The following TPBG variants were observed in gnomAD, a reference collection of about 807,000 sequenced individuals.
The protein encoded by TPBG is trophoblast glycoprotein.
Under a neutral mutation model 19.3 loss-of-function variants are expected in TPBG, and 13 were observed. The observed-to-expected ratio is 0.67, with a 90% CI of 0.44 to 1.07. The LOEUF (loss-of-function observed/expected upper bound fraction) is 1.07, where lower values mean the gene tolerates loss of function less well. Ranked by LOEUF, TPBG falls within the 50% of genes least tolerant of loss-of-function variation. The pLI, the probability that TPBG is intolerant of heterozygous loss-of-function variation, is 0.00. For synonymous variants in TPBG, 338 were observed against 259.8 expected, an observed-to-expected ratio of 1.30 and a Z score of -2.89; for missense variants, 642 against 559.6, an observed-to-expected ratio of 1.15 and a Z score of -1.49.
chr6:82,365,150 C>G lies in TPBG; in HGVS notation c.189C>G (p.Pro63=), dbSNP rs755349428. Residue 63 remains proline, a synonymous_variant, in exon 2 of 2, where the codon CCC becomes CCG. Coordinates refer to ENST00000369750, the MANE Select transcript of TPBG (RefSeq NM_001376922.1). ...AGCCCCCGCTGCCGGACCAGTGCCC[C>G]GCGCTGTGCGAGTGCTCCGAGGCAG... The part of the protein sequence containing the change: ...SAQPPLPDQC[P]ALCECSEAAR... 2.9e-4 allele frequency: 464 copies of G among 1,604,850 alleles called. No homozygotes were observed. Among genetic ancestry groups the G allele is most frequent in the Non-Finnish European group, 3.8e-4 (451 of 1,176,668 alleles).
rs775983895 is a variant in TPBG at position 82,366,184 on chromosome 6, A to AC, written c.1227dup (p.Arg410GlnfsTer8). ...CATTACAGATATGAAATCAATGCGG[A>AC]CCCCAGATTAACGAACCTCAGTTCT... is the stretch of plus-strand genomic sequence containing the variant. On this transcript the variant is annotated frameshift_variant, in exon 2 of 2. Coordinates refer to ENST00000369750, the MANE Select transcript of TPBG (RefSeq NM_001376922.1). LOFTEE classifies it high-confidence loss of function. 6 of 1,605,580 alleles carry AC rather than the reference A, an allele frequency of 3.7e-6. No homozygotes were observed. The South Asian group carries it at 6.7e-5, about 18-fold the overall frequency.
At position 82,365,028 on chromosome 6, in the gene TPBG, C is replaced by T; in HGVS notation, c.67C>T (p.Leu23=). The part of the protein sequence containing the change: ...DGRLRLARLA[L]VLLGWVSSSS... The stretch of plus-strand genomic sequence containing the variant: ...GCGTCTGCGGCTGGCGCGACTAGCG[C>T]TGGTACTCCTGGGCTGGGTCTCCTC... The change falls in exon 2 of 2, where the codon CTG becomes TTG. Residue 23 remains leucine, a synonymous_variant. Coordinates refer to ENST00000369750, the MANE Select transcript of TPBG (RefSeq NM_001376922.1). 6.5e-7 allele frequency: 1 copy of T among 1,542,954 alleles called. No individual in the cohort carries two copies. The highest frequency in any genetic ancestry group is 8.7e-7 in the Non-Finnish European group (1 of 1,144,246).
Position 82,365,973 on chromosome 6 carries a change from A to C in TPBG, c.1012A>C (p.Asn338His). The C allele has an allele frequency of 6.2e-7, 1 of 1,614,086 alleles. No individual in the cohort carries two copies. The highest frequency in any genetic ancestry group is 8.5e-7 in the Non-Finnish European group (1 of 1,179,964). The change falls in exon 2 of 2, where the codon AAC (asparagine) becomes CAC (histidine). Residue 338 changes from asparagine (N) to histidine (H), a missense_variant. Transcript: ENST00000369750. ...KMRNRVLLELNSADLDCDPIL... is the reference protein window; with the variant it reads ...KMRNRVLLELHSADLDCDPIL... ...GAGGAATCGGGTCCTCTTGGAACTCAACAGTGCTGACCTGGACTGTGACCC... is the reference window on the plus strand; with the variant it reads ...GAGGAATCGGGTCCTCTTGGAACTCCACAGTGCTGACCTGGACTGTGACCC...
In TPBG at chr6:82,365,657, A is replaced by G. The variant is rs1260929110; in HGVS notation, c.696A>G (p.Gln232=). The G allele has an allele frequency of 5.6e-6, 9 of 1,604,310 alleles. No homozygotes were observed. Among genetic ancestry groups the G allele is most frequent in the Admixed American group, 1.7e-5 (1 of 59,364 alleles). Residue 232 remains glutamine (Q), a synonymous_variant, in exon 2 of 2, where the codon CAA becomes CAG. Coordinates refer to ENST00000369750, the MANE Select transcript of TPBG (RefSeq NM_001376922.1). ...ACCTGCCGCGGGATGTGCTGGCCCAACTGCCCAGCCTCAGGCACCTGGACT... is the reference window on the plus strand; with the variant it reads ...ACCTGCCGCGGGATGTGCTGGCCCAGCTGCCCAGCCTCAGGCACCTGGACT... ...FLYLPRDVLA[Q]LPSLRHLDLS...
Position 82,365,778 on chromosome 6 carries a change from C to T in TPBG, c.817C>T (p.Leu273Phe). ...CCTGGAGGACAATGCCCTCAAGGTC[C>T]TTCACAATGGCACCCTGGCTGAGTT... is the stretch of plus-strand genomic sequence containing the variant. ...LHLEDNALKV[L>F]HNGTLAELQG... Residue 273 changes from leucine (L) to phenylalanine (F), a missense_variant, in exon 2 of 2, where the codon CTT becomes TTT. Physicochemically the swap from Leu to Phe is conservative, Grantham distance 22. Transcript: ENST00000369750. 6.2e-7 allele frequency: 1 copy of T among 1,614,180 alleles called. No individual in the cohort carries two copies. The highest frequency in any genetic ancestry group is 8.5e-7 in the Non-Finnish European group (1 of 1,180,052).
Position 82,365,992 on chromosome 6 carries a change from G to C in TPBG, c.1031G>C (p.Cys344Ser). 6.2e-7 allele frequency: 1 copy of C among 1,613,874 alleles called. No individual in the cohort carries two copies. The highest frequency in any genetic ancestry group is 1.7e-5 in the Admixed American group (1 of 59,990). Reference protein sequence around the residue: ...LLELNSADLDCDPILPPSLQT... With the variant: ...LLELNSADLDSDPILPPSLQT... ...GAACTCAACAGTGCTGACCTGGACT[G>C]TGACCCGATTCTTCCCCCATCCCTG... is the stretch of plus-strand genomic sequence containing the variant. The change falls in exon 2 of 2, where the codon TGT (cysteine) becomes TCT (serine). Residue 344 changes from cysteine (C) to serine (S), a missense_variant. By Grantham distance (112) the Cys-to-Ser change is moderately radical. Coordinates refer to ENST00000369750, the MANE Select transcript of TPBG (RefSeq NM_001376922.1).
At position 82,365,527 on chromosome 6, in the gene TPBG, A is replaced by G. The variant is rs757059128; in HGVS notation, c.566A>G (p.Glu189Gly). Residue 189 changes from glutamate to glycine, a missense_variant, in exon 2 of 2, where the codon GAG becomes GGG. By Grantham distance (98) the Glu-to-Gly change is moderately conservative. Transcript: ENST00000369750. ...AACCACATCGTGCCCCCTGAAGATG[A>G]GCGGCAGAACCGGAGCTTCGAGGGC... ...ILNHIVPPEDERQNRSFEGMV... is the reference protein window; with the variant it reads ...ILNHIVPPEDGRQNRSFEGMV... The G allele has an allele frequency of 2.5e-6, 4 of 1,577,500 alleles. No homozygotes were observed. The highest frequency in any genetic ancestry group is 3.4e-6 in the Non-Finnish European group (4 of 1,163,888).
chr6:82,366,177 A>C lies in TPBG; in HGVS notation c.1216A>C (p.Asn406His). 1 of 1,608,538 alleles carries C rather than the reference A, an allele frequency of 6.2e-7. No homozygotes were observed. Among genetic ancestry groups the C allele is most frequent in the African/African-American group, 1.3e-5 (1 of 74,740 alleles). Residue 406 changes from asparagine (N) to histidine (H), a missense_variant, in exon 2 of 2, where the codon AAT (asparagine) becomes CAT (histidine). Physicochemically the swap from Asn to His is moderately conservative, Grantham distance 68. Coordinates refer to ENST00000369750, the MANE Select transcript of TPBG (RefSeq NM_001376922.1). ...AGGGTATCATTACAGATATGAAATC[A>C]ATGCGGACCCCAGATTAACGAACCT... The part of the protein sequence containing the change: ...MEGYHYRYEI[N>H]ADPRLTNLSS...
chr6:82,365,372 C>T lies in TPBG; in HGVS notation c.411C>T (p.Ala137=), dbSNP rs749220552. ...GCCTGGACGAGGTGCGCGCGGGCGC[C>T]TTCGAGCATCTGCCCAGCCTGCGCC... ...GSRLDEVRAG[A]FEHLPSLRQL... Residue 137 remains alanine (A), a synonymous_variant, in exon 2 of 2, where the codon GCC becomes GCT. Transcript: ENST00000369750. The T allele has an allele frequency of 2.5e-6, 4 of 1,589,888 alleles. No individual in the cohort carries two copies. Among genetic ancestry groups the T allele is most frequent in the South Asian group, 1.1e-5 (1 of 88,238 alleles).
chr6:82,365,572 T>C lies in TPBG; in HGVS notation c.611T>C (p.Leu204Pro). The change falls in exon 2 of 2, where the codon CTG becomes CCG. Residue 204 changes from leucine (L) to proline (P), a missense_variant. By Grantham distance (98) the Leu-to-Pro change is moderately conservative. Transcript: ENST00000369750. ...GAGGGCATGGTGGTGGCGGCCCTGC[T>C]GGCGGGCCGTGCACTGCAGGGGCTC... The part of the protein sequence containing the change: ...SFEGMVVAAL[L>P]AGRALQGLRR... The C allele has an allele frequency of 1.3e-6, 2 of 1,580,536 alleles. No homozygotes were observed. Among genetic ancestry groups the C allele is most frequent in the African/African-American group, 1.4e-5 (1 of 74,016 alleles).
rs1208162077 is a variant in TPBG at position 82,365,482 on chromosome 6, C to T, written c.521C>T (p.Pro174Leu). The T allele has an allele frequency of 6.2e-7, 1 of 1,606,760 alleles. No homozygotes were observed. Among genetic ancestry groups the T allele is most frequent in the Non-Finnish European group, 8.5e-7 (1 of 1,176,914 alleles). ...GSNASVSAPS[P>L]LVELILNHIV... ...AATGCCAGCGTCTCGGCCCCCAGTC[C>T]CCTTGTGGAACTGATCCTGAACCAC... The change falls in exon 2 of 2, where the codon CCC becomes CTC. Residue 174 changes from proline to leucine, a missense_variant. Physicochemically the swap from Pro to Leu is moderately conservative, Grantham distance 98. Coordinates refer to ENST00000369750, the MANE Select transcript of TPBG (RefSeq NM_001376922.1).
Position 82,365,097 on chromosome 6 carries a change from C to T in TPBG, c.136C>T (p.Pro46Ser), listed in dbSNP as rs769256988. Residue 46 changes from proline to serine, a missense_variant, in exon 2 of 2, where the codon CCG (proline) becomes TCG (serine). By Grantham distance (74) the Pro-to-Ser change is moderately conservative. Coordinates refer to ENST00000369750, the MANE Select transcript of TPBG (RefSeq NM_001376922.1). ...SSASSFSSSAPFLASAVSAQP... is the reference protein window; with the variant it reads ...SSASSFSSSASFLASAVSAQP... The stretch of plus-strand genomic sequence containing the variant: ...GGCATCCTCCTTCTCCTCCTCGGCG[C>T]CGTTCCTGGCTTCCGCCGTGTCCGC... The T allele has an allele frequency of 1.3e-6, 2 of 1,578,394 alleles. No homozygotes were observed. The highest frequency in any genetic ancestry group is 1.7e-6 in the Non-Finnish European group (2 of 1,162,312).
In TPBG at chr6:82,365,286, G is replaced by A. The variant is rs1239976750; in HGVS notation, c.325G>A (p.Gly109Ser). 1.9e-6 allele frequency: 3 copies of A among 1,547,752 alleles called. No homozygotes were observed. The highest frequency in any genetic ancestry group is 2.4e-5 in the South Asian group (2 of 82,888). Residue 109 changes from glycine to serine, a missense_variant, in exon 2 of 2, where the codon GGC (glycine) becomes AGC (serine). Gly to Ser is a moderately conservative substitution (Grantham distance 56). Coordinates refer to ENST00000369750, the MANE Select transcript of TPBG (RefSeq NM_001376922.1). ...TGNQLAVLPA[G>S]AFARRPPLAE... Reference sequence around the variant, plus strand: ...CAACCAGCTGGCCGTGCTCCCTGCCGGCGCCTTCGCCCGCCGGCCGCCGCT... The same window carrying A: ...CAACCAGCTGGCCGTGCTCCCTGCCAGCGCCTTCGCCCGCCGGCCGCCGCT...
In TPBG at chr6:82,365,305, C is replaced by G. The variant is rs1322941131; in HGVS notation, c.344C>G (p.Pro115Arg). The change falls in exon 2 of 2, where the codon CCG becomes CGG. Residue 115 changes from proline to arginine, a missense_variant. Coordinates refer to ENST00000369750, the MANE Select transcript of TPBG (RefSeq NM_001376922.1). ...VLPAGAFARR[P>R]PLAELAALNL... ...CCTGCCGGCGCCTTCGCCCGCCGGC[C>G]GCCGCTGGCGGAGCTGGCCGCGCTC... The G allele has an allele frequency of 1.3e-6, 2 of 1,567,504 alleles. No homozygotes were observed. Among genetic ancestry groups the G allele is most frequent in the African/African-American group, 1.4e-5 (1 of 70,936 alleles).
intron 1 of TPBG, chr6:82,364,190 T>G (rs1212148765): frequency 6.6e-6 from 1 of 152,398 alleles, no homozygotes; most frequent in Non-Finnish European, 1.5e-5. Context: ...AACCTGAAAC[T>G]TCCCTCGCAT....
At chr6:82,363,941 C>G (rs1767394152) in intron 1 of TPBG, 33 bp downstream of exon 1, 1 of 152,726 alleles carries the variant, frequency 6.5e-6, no homozygotes, top group Admixed American at 6.5e-5. Flanking sequence ...CTGGGAGAGA[C>G]CCGGGAGGCG....
At chr6:82,364,541 AC>A (rs1767416107) in intron 1 of TPBG, 81 bp from the exon 2 acceptor site, 2 of 172,624 alleles carry the variant, frequency 1.2e-5, no homozygotes, top group Non-Finnish European at 1.2e-5. Context: ...ACTGGAGACG[AC>A]TAGACTCGAA....
rs1045931571 is a variant in TPBG, at chr6:82,365,132, G to A, written c.171G>A (p.Pro57=). ...FLASAVSAQP[P]LPDQCPALCE... is the part of the protein sequence containing the mutation. ...CTTCCGCCGTGTCCGCCCAGCCCCC[G>A]CTGCCGGACCAGTGCCCCGCGCTGT... Residue 57 remains proline (P), a synonymous_variant, in exon 2 of 2, where the codon CCG becomes CCA. Coordinates refer to ENST00000369750, the MANE Select transcript of TPBG (RefSeq NM_001376922.1). The A allele has an allele frequency of 3.7e-6, 6 of 1,601,642 alleles. No homozygotes were observed. The East Asian group carries it at 1.1e-4, about 31-fold the overall frequency.
Position 82,364,870 on chromosome 6 carries a change from C to A in TPBG, c.-92C>A. ...GAGAGGAAAGTTTTTTTTTTCCAGACGCTTCCGCCGGCTCGCGCCCTCCGG... is the reference window on the plus strand; with the variant it reads ...GAGAGGAAAGTTTTTTTTTTCCAGAAGCTTCCGCCGGCTCGCGCCCTCCGG... On this transcript the variant is annotated 5_prime_UTR_variant, in exon 2 of 2. Transcript: ENST00000369750. 8.8e-7 allele frequency: 1 copy of A among 1,130,506 alleles called. No individual in the cohort carries two copies. The highest frequency in any genetic ancestry group is 1.2e-6 in the Non-Finnish European group (1 of 847,852). 70.0% of individuals were successfully genotyped at this position (1,130,506 alleles called of 1,614,324 possible).
Sources: gnomAD v4.1 joint callset for allele counts on GRCh38, gnomAD v4.1.1 for gene constraint, MANE v1.5 for transcripts, NCBI Gene and HGNC (gene_info 2026-07-23, HGNC 2026-07-21) for gene names.